Variants in CSMD1 observed in about 807,000 individuals in gnomAD.
CSMD1 encodes CUB and sushi domain-containing protein 1.
CSMD1 carries 213 observed loss-of-function variants against 417.5 expected under a neutral mutation model. The observed-to-expected ratio is 0.51, with a 90% confidence interval of 0.46 to 0.57. The LOEUF is 0.57. Among genes scored for constraint, CSMD1 ranks in the 20% least tolerant of loss-of-function variants. The pLI is 0.00. For synonymous variants in CSMD1, 2,862 were observed against 1,736.8 expected (o/e 1.65, Z -16.11); for missense variants, 6,923 against 4,529.7 (o/e 1.53, Z -15.17).
At position 4,568,554 on chromosome 8, in the gene CSMD1, T is replaced by C. The variant is rs1324463181; in HGVS notation, c.302+68788A>G. 5.9e-5 allele frequency among the ~76,000 whole-genome samples: 9 copies of C among 152,186 alleles called. No homozygotes were observed. The East Asian group carries it at 1.7e-3, about 29-fold the overall frequency. On this transcript the variant is annotated intron_variant, in intron 2 of 69. Coordinates refer to ENST00000635120, the MANE Select transcript of CSMD1 (RefSeq NM_033225.6). ...ATTTGGGTTGATTCCAAGGTTTTTC[T>C]ATACTAAATGGTGCTGCAATACACA...
chr8:3,776,663 C>G (rs1798901784), intron 5 of CSMD1, among the ~76,000 whole-genome samples: 1 of 152,094 alleles, frequency 6.6e-6, no homozygotes, highest in South Asian at 2.1e-4. Flanking sequence ...CTCCTTCCCA[C>G]CAAGGCACTT....
intron 11 of CSMD1, among the ~76,000 whole-genome samples, chr8:3,487,284 C>T (rs542511274): frequency 6.6e-6 from 1 of 152,286 alleles, no homozygotes; most frequent in Admixed American, 6.5e-5. Flanking sequence ...TCTCTGCAAG[C>T]TCCACCTCCT....
intron 5 of CSMD1, among the ~76,000 whole-genome samples, chr8:3,850,109 T>A (rs2954223): frequency 0.41 from 62,965 of 152,144 alleles, 14,600 homozygotes; most frequent in African/African-American, 0.63. Context: ...AGTATATCTT[T>A]TTGATACATT....
intron 9 of CSMD1, among the ~76,000 whole-genome samples, chr8:3,580,959 G>A (rs929748649): frequency 3.3e-5 from 5 of 152,244 alleles, no homozygotes; most frequent in Middle Eastern, 3.4e-3. Flanking sequence ...AAATTCCAAC[G>A]CAATAATAAC....
chr8:3,630,572 G>C (rs1485684718), intron 7 of CSMD1, among the ~76,000 whole-genome samples: 2 of 152,214 alleles, frequency 1.3e-5, no homozygotes, highest in Non-Finnish European at 2.9e-5. Context: ...AGAAGGAGAG[G>C]AGGATGTTGA....
intron 46 of CSMD1, among the ~76,000 whole-genome samples, chr8:3,098,670 G>A (rs1210876847): frequency 1.3e-5 from 2 of 152,114 alleles, no homozygotes; most frequent in Non-Finnish European, 2.9e-5. Flanking sequence ...AATACACGAT[G>A]CCCATTCAAA....
At chr8:3,173,512 T>A (rs1343571967) in intron 37 of CSMD1, among the ~76,000 whole-genome samples, 2 of 152,162 alleles carry the variant, frequency 1.3e-5, no homozygotes, top group Non-Finnish European at 2.9e-5. Context: ...CTTAGGAAAA[T>A]TTTTTGAAAT....
intron 2 of CSMD1, among the ~76,000 whole-genome samples, chr8:4,439,407 A>T (rs1563174072): frequency 6.6e-6 from 1 of 152,096 alleles, no homozygotes; most frequent in East Asian, 1.9e-4. Flanking sequence ...ACGTACGTTT[A>T]TTACTTAATA....
intron 5 of CSMD1, among the ~76,000 whole-genome samples, chr8:3,973,435 A>T (rs1264756660): frequency 1.3e-5 from 2 of 152,220 alleles, no homozygotes; most frequent in African/African-American, 4.8e-5. Flanking sequence ...TGCAAATTAT[A>T]AAAATTTTTT....
At position 4,528,251 on chromosome 8, in the gene CSMD1, T is replaced by A. The variant is rs7840929; in HGVS notation, c.303-108186A>T. ...TGATAAGACAATATCTAGACAGGAG[T>A]AGCCCCACAAGTCCAATTAATCCCT... On this transcript the variant is annotated intron_variant, in intron 2 of 69. Transcript: ENST00000635120. Among the ~76,000 whole-genome samples the A allele has an allele frequency of 9.1e-3, 1,383 of 152,186 alleles. 33 individuals carry two copies. Among genetic ancestry groups the A allele is most frequent in the African/African-American group, 0.031 (1,302 of 41,514 alleles).
chr8:3,260,972 T>A (rs9644333), intron 26 of CSMD1, among the ~76,000 whole-genome samples: 2 of 151,860 alleles, frequency 1.3e-5, no homozygotes, highest in South Asian at 4.1e-4. Context: ...AAAATCCCAT[T>A]AGAAAATGGG....
chr8:4,345,918 G>C (rs1049805708), intron 3 of CSMD1, among the ~76,000 whole-genome samples: 32 of 152,070 alleles, frequency 2.1e-4, no homozygotes, highest in African/African-American at 6.8e-4. Flanking sequence ...GACGTAACAA[G>C]GGAGGGGCTT....
At chr8:4,448,208 G>A (rs1174758003) in intron 2 of CSMD1, among the ~76,000 whole-genome samples, 1 of 152,118 alleles carries the variant, frequency 6.6e-6, no homozygotes, top group African/African-American at 2.4e-5. Context: ...TTTTAACACT[G>A]AAAATATTTT....
At chr8:4,984,381 G>C (rs1811059786) in intron 1 of CSMD1, among the ~76,000 whole-genome samples, 1 of 152,224 alleles carries the variant, frequency 6.6e-6, no homozygotes, top group Non-Finnish European at 1.5e-5. Flanking sequence ...TCCCATGACA[G>C]TAGTGTACGC....
rs934549249 is a variant in CSMD1, at chr8:3,747,024, T to A, written c.931+6906A>T. Among the ~76,000 whole-genome samples, 12 of 152,320 alleles carry A rather than the reference T, an allele frequency of 7.9e-5. No individual in the cohort carries two copies. The East Asian group carries it at 2.3e-3, about 29-fold the overall frequency. ...TCCTTTCATTAGGAATTTTATTTCATAAAAATAACTCACTATCCACCACCC... is the reference window on the plus strand; with the variant it reads ...TCCTTTCATTAGGAATTTTATTTCAAAAAAATAACTCACTATCCACCACCC... On this transcript the variant is annotated intron_variant, in intron 6 of 69. Transcript: ENST00000635120.
At position 3,795,088 on chromosome 8, in the gene CSMD1, GATAT is replaced by G. The variant is rs796867246; in HGVS notation, c.819-41050_819-41047del. ...TATATATCTATCATGTACAGCTATA[GATAT>G]ATATCTATCATGTACAGCTATAGAT... is the stretch of plus-strand genomic sequence containing the variant. On this transcript the variant is annotated intron_variant, in intron 5 of 69. Transcript: ENST00000635120. Among the ~76,000 whole-genome samples the G allele has an allele frequency of 1.8e-3, 184 of 103,768 alleles. 6 individuals are homozygous for G. The highest frequency in any genetic ancestry group is 8.9e-3 in the Middle Eastern group (1 of 112). The allele number at this position is 103,768 out of a possible 152,430, so 68.1% of individuals were successfully genotyped here. A position where few individuals can be genotyped will look rare whatever the true frequency, so the allele number is the denominator to read the frequency against.
At chr8:3,489,355 T>C (rs1255055727) in intron 11 of CSMD1, among the ~76,000 whole-genome samples, 1 of 152,192 alleles carries the variant, frequency 6.6e-6, no homozygotes, top group Non-Finnish European at 1.5e-5. Context: ...TTCATTCTCA[T>C]AGAGGGACGG....
chr8:4,470,036 T>C (rs772396153), intron 2 of CSMD1, among the ~76,000 whole-genome samples: 4 of 151,782 alleles, frequency 2.6e-5, no homozygotes, highest in Non-Finnish European at 4.4e-5. Context: ...CCCGGCTAAT[T>C]TCTTTTTGTA....
intron 3 of CSMD1, among the ~76,000 whole-genome samples, chr8:4,232,753 C>T (rs1320575507): frequency 6.6e-6 from 1 of 152,162 alleles, no homozygotes; most frequent in African/African-American, 2.4e-5. Flanking sequence ...TAATTCACTG[C>T]TATCTGGTTA....
Sources: gnomAD v4.1 joint callset for allele counts (sites outside exome capture counted in the v4.1 genomes callset) on GRCh38, gnomAD v4.1.1 for gene constraint, MANE v1.5 for transcripts, NCBI Gene and HGNC (gene_info 2026-07-23, HGNC 2026-07-21) for gene names.